NDE1: variants seen among roughly 807,000 people sequenced by gnomAD.
NDE1 encodes the protein nudE neurodevelopment protein 1.
NDE1 carries 28 observed loss-of-function variants against 43.4 expected under a neutral mutation model. The observed-to-expected ratio is 0.65, with a 90% CI of 0.48 to 0.89. NDE1 has a LOEUF of 0.89. NDE1 is among the 40% of genes least tolerant of loss of function. The pLI, the probability that NDE1 is intolerant of heterozygous loss-of-function variation, is 0.00. For missense variants in NDE1, 441 were observed against 434.1 expected (o/e 1.02, Z -0.14); for synonymous variants, 184 against 172.0 (o/e 1.07, Z -0.55).
chr16:15,696,938 A>G lies in NDE1; in HGVS notation c.947+78A>G, dbSNP rs762255575. ...GGCAAGAGACACTCACCCCCAGCCC[A>G]CAGCCATGTGTCTTTTTAAATTATA... On this transcript the variant is annotated intron_variant, in intron 8 of 8. Coordinates refer to ENST00000396354, the MANE Select transcript of NDE1 (RefSeq NM_017668.3). 5 of 1,578,986 alleles carry G rather than the reference A, an allele frequency of 3.2e-6. No homozygotes were observed. The South Asian group carries it at 4.5e-5, about 14-fold the overall frequency.
At chr16:15,700,161 A>C (rs1212345769) in intron 8 of NDE1, 3 of 996,516 alleles carry the variant, frequency 3.0e-6, no homozygotes, top group Non-Finnish European at 3.6e-6. Flanking sequence ...TGGTGGCGTG[A>C]TCTCAGCTCA....
chr16:15,665,554 G>C (rs775241831), intron 2 of NDE1, among the ~76,000 whole-genome samples: 1 of 151,082 alleles, frequency 6.6e-6, no homozygotes, highest in African/African-American at 2.4e-5. Flanking sequence ...AGCAATTCTC[G>C]TGCCTCAGCT....
intron 3 of NDE1, chr16:15,672,669 A>C (rs1428828644): frequency 6.6e-6 from 1 of 152,222 alleles, no homozygotes; most frequent in Non-Finnish European, 1.5e-5. Flanking sequence ...ACATTTCAGC[A>C]ACAGGTTTTC....
intron 8 of NDE1, chr16:15,699,845 C>G (rs985528522): frequency 7.4e-7 from 1 of 1,347,116 alleles, no homozygotes; most frequent in African/African-American, 1.5e-5. Flanking sequence ...AGCTGAAGGT[C>G]TTGGTGTTGG....
intron 8 of NDE1, chr16:15,703,746 G>A (rs1008450273): frequency 3.2e-5 from 17 of 526,156 alleles, no homozygotes; most frequent in Middle Eastern, 5.3e-4. Flanking sequence ...GTACCACCAC[G>A]CCCAGCTTAT....
At chr16:15,703,824 C>T in intron 8 of NDE1, 1 of 915,392 alleles carries the variant, frequency 1.1e-6, no homozygotes, top group South Asian at 1.4e-5. Flanking sequence ...TTTTTATATT[C>T]CTTGTGTGAG....
intron 8 of NDE1, chr16:15,721,205 A>G: frequency 1.0e-6 from 1 of 979,416 alleles, no homozygotes; most frequent in Non-Finnish European, 1.5e-6. Flanking sequence ...CTGAGAGTTC[A>G]GACCCCAGCC....
At chr16:15,666,741 C>T (rs112373264) in intron 2 of NDE1, among the ~76,000 whole-genome samples, 2,243 of 152,286 alleles carry the variant, frequency 0.015, 58 homozygotes, top group African/African-American at 0.051. Flanking sequence ...CTGCCTCAGC[C>T]TCCCAGGTAG....
Position 15,705,984 on chromosome 16 carries a change from CAAAAAAAA to C in NDE1, c.947+9138_947+9145del, listed in dbSNP as rs57451847. On this transcript the variant is annotated intron_variant, in intron 8 of 8. Transcript: ENST00000396354. The stretch of plus-strand genomic sequence containing the variant: ...TAGGCGACAGGGTGAGACTCCGTCT[CAAAAAAAA>C]AAAAAAAAAAAAATCAAGGCCCAGA... Among the ~76,000 whole-genome samples the C allele has an allele frequency of 2.5e-4, 14 of 56,764 alleles. No homozygotes were observed. The East Asian group carries it at 4.7e-3, about 19-fold the overall frequency. 37.2% of individuals were successfully genotyped at this position (56,764 alleles called of 152,430 possible).
intron 7 of NDE1, among the ~76,000 whole-genome samples, chr16:15,695,171 G>A (rs374841628): frequency 8.8e-5 from 13 of 147,144 alleles, no homozygotes; most frequent in East Asian, 4.0e-4. Context: ...GTGACAGCAC[G>A]ACGTTGTCTC....
intron 6 of NDE1, among the ~76,000 whole-genome samples, chr16:15,692,704 C>T (rs2038812740): frequency 6.6e-6 from 1 of 152,086 alleles, no homozygotes; most frequent in Non-Finnish European, 1.5e-5. Flanking sequence ...GTCACTGTGC[C>T]TAGCCCCAGT....
intron 1 of NDE1, among the ~76,000 whole-genome samples, chr16:15,663,747 G>T (rs1465955107): frequency 6.6e-6 from 1 of 152,070 alleles, no homozygotes; most frequent in African/African-American, 2.4e-5. Flanking sequence ...CATTTCTGTG[G>T]CTATACTAGG....
At chr16:15,683,487 G>A (rs1160702955) in intron 4 of NDE1, 4 of 152,026 alleles carry the variant, frequency 2.6e-5, no homozygotes, top group Non-Finnish European at 5.9e-5. Flanking sequence ...TGGGACAACA[G>A]GCACCCGCTA....
chr16:15,723,289 A>C (rs1258412532), intron 8 of NDE1, among the ~76,000 whole-genome samples: 1 of 152,180 alleles, frequency 6.6e-6, no homozygotes, highest in African/African-American at 2.4e-5. Flanking sequence ...ATGTACTGAC[A>C]TCTGTAATTT....
At chr16:15,673,350 C>T (rs996927046) in intron 3 of NDE1, among the ~76,000 whole-genome samples, 2 of 151,974 alleles carry the variant, frequency 1.3e-5, no homozygotes, top group African/African-American at 4.8e-5. Flanking sequence ...ACCATAGGCA[C>T]TTGCCACCAC....
At chr16:15,689,676 A>T (rs2038629530) in intron 5 of NDE1, among the ~76,000 whole-genome samples, 1 of 152,206 alleles carries the variant, frequency 6.6e-6, no homozygotes, top group Non-Finnish European at 1.5e-5. Flanking sequence ...GCAGTGGCTC[A>T]CGCCTGTATT....
chr16:15,659,385 C>T (rs980206939), intron 1 of NDE1, among the ~76,000 whole-genome samples: 2 of 142,052 alleles, frequency 1.4e-5, no homozygotes, highest in Admixed American at 7.1e-5. Flanking sequence ...ACACCAGCCT[C>T]TAAGTTCTCT....
In NDE1 at chr16:15,690,353, C is replaced by CTTTTTTTTTTTT. The variant is rs869069843; in HGVS notation, c.524-774_524-763dup. Among the ~76,000 whole-genome samples the CTTTTTTTTTTTT allele has an allele frequency of 4.9e-4, 40 of 80,988 alleles. 1 individual carries two copies. The highest frequency in any genetic ancestry group is 5.8e-4 in the Admixed American group (3 of 5,170). 53.1% of individuals were successfully genotyped at this position (80,988 alleles called of 152,430 possible). A position where few individuals can be genotyped will look rare whatever the true frequency, so the allele number is the denominator to read the frequency against. ...GCAACTGGCCTTTTTTTTTTTTTTT[C>CTTTTTTTTTTTT]TTTTTTTTTTTTTTTTTTTTTTTTT... On this transcript the variant is annotated intron_variant, in intron 5 of 8. Transcript: ENST00000396354.
intron 8 of NDE1, chr16:15,703,884 TAC>T (rs772589716): frequency 1.4e-6 from 2 of 1,426,444 alleles, no homozygotes; most frequent in South Asian, 2.3e-5. Flanking sequence ...CAATGCTAAG[TAC>T]AGTCTGCTGG....
Sources: allele counts gnomAD v4.1 joint callset (sites outside exome capture counted in the v4.1 genomes callset), GRCh38; gene constraint gnomAD v4.1.1; transcripts MANE v1.5; gene names NCBI Gene and HGNC (gene_info 2026-07-23, HGNC 2026-07-21).